The following ATP4A variants were observed in gnomAD, a reference collection of about 807,000 sequenced individuals.
The protein encoded by ATP4A is potassium-transporting ATPase alpha chain 1.
Under a neutral mutation model 112.1 loss-of-function variants are expected in ATP4A, and 73 were observed. The observed-to-expected ratio is 0.65, with a 90% CI of 0.54 to 0.79. The LOEUF is 0.79. Ranked by LOEUF, ATP4A falls within the 30% of genes least tolerant of loss-of-function variation. The probability of loss-of-function intolerance (pLI) is 0.00; values close to 1 mark genes in which losing one functional copy is unlikely to be tolerated. For missense variants in ATP4A, 1,081 were observed against 1,425.9 expected (o/e 0.76, Z 3.90); for synonymous variants, 588 against 588.9 (o/e 1.00, Z 0.02).
Position 35,555,584 on chromosome 19 carries a change from G to C in ATP4A, c.2013C>G (p.Ala671=), listed in dbSNP as rs571661299. ...VPVDQVNRKD[A]RACVINGMQL... is the part of the protein sequence containing the mutation. ...GCATGCCATTGATCACACAGGCACG[G>C]GCATCCCTGGGGAGGAGATGGGAGG... The change falls in exon 14 of 22, where the codon GCC becomes GCG. Residue 671 remains alanine (A), a synonymous_variant. Transcript: ENST00000262623. This position sits in a 1 kb window ranked among gnomAD's most constrained non-coding sequence, Gnocchi z 6.6. The C allele has an allele frequency of 1.0e-5, 16 of 1,579,736 alleles. No homozygotes were observed. Among genetic ancestry groups the C allele is most frequent in the South Asian group, 6.9e-5 (6 of 86,872 alleles).
At chr19:35,552,967 G>A in intron 18 of ATP4A, 70 bp downstream of exon 18, 9 of 1,509,132 alleles carry the variant, frequency 6.0e-6, no homozygotes, top group Non-Finnish European at 8.0e-6. Flanking sequence ...GAACAAGTGG[G>A]CCGCACACAA....
chr19:35,555,394 G>A lies in ATP4A; in HGVS notation c.2157+46C>T. On this transcript the variant is annotated intron_variant, in intron 14 of 21. Coordinates refer to ENST00000262623, the MANE Select transcript of ATP4A (RefSeq NM_000704.3). This position sits in a 1 kb window ranked among gnomAD's most constrained non-coding sequence, Gnocchi z 6.6. Reference sequence around the variant, plus strand: ...TCAGTGAGAGGCCGGTCCAAGACCAGCCCCGCCTGTCTGCCCGCCTGCCCA... The same window carrying A: ...TCAGTGAGAGGCCGGTCCAAGACCAACCCCGCCTGTCTGCCCGCCTGCCCA... The A allele has an allele frequency of 6.3e-7, 1 of 1,590,228 alleles. No homozygotes were observed. Among genetic ancestry groups the A allele is most frequent in the Non-Finnish European group, 8.6e-7 (1 of 1,167,356 alleles).
chr19:35,553,210 G>A, intron 17 of ATP4A, 28 bp from the exon 18 acceptor site: 2 of 1,575,688 alleles, frequency 1.3e-6, no homozygotes, highest in Non-Finnish European at 1.7e-6. Flanking sequence ...GACACAGGGA[G>A]ACAGAGATGG....
rs373762221 is a variant in ATP4A at position 35,555,614 on chromosome 19, C to T, written c.2007-24G>A. On this transcript the variant is annotated intron_variant, in intron 13 of 21. Coordinates refer to ENST00000262623, the MANE Select transcript of ATP4A (RefSeq NM_000704.3). This position sits in a 1 kb window ranked among gnomAD's most constrained non-coding sequence, Gnocchi z 6.6. ...CCCTGGGGAGGAGATGGGAGGACCTCGCTGGGACCTCGGTCTGTGCCAGAT... is the reference window on the plus strand; with the variant it reads ...CCCTGGGGAGGAGATGGGAGGACCTTGCTGGGACCTCGGTCTGTGCCAGAT... The T allele has an allele frequency of 1.2e-4, 188 of 1,575,866 alleles. No homozygotes were observed. Among genetic ancestry groups the T allele is most frequent in the Non-Finnish European group, 1.4e-4 (164 of 1,154,164 alleles).
At position 35,553,673 on chromosome 19, in the gene ATP4A, C is replaced by G. The variant is rs1303387988; in HGVS notation, c.2605+33G>C. The G allele has an allele frequency of 5.6e-6, 9 of 1,610,094 alleles. No individual in the cohort carries two copies. The African/African-American group carries it at 8.0e-5, about 14-fold the overall frequency. Reference sequence around the variant, plus strand: ...GCGAGCAGCCCAGCGCAGAGCCCCCCACCTCCAGGCTCCCCGGCCCACGGG... The same window carrying G: ...GCGAGCAGCCCAGCGCAGAGCCCCCGACCTCCAGGCTCCCCGGCCCACGGG... On this transcript the variant is annotated intron_variant, in intron 17 of 21. Transcript: ENST00000262623.
chr19:35,559,227 A>AC lies in ATP4A; in HGVS notation c.1057-37dup. On this transcript the variant is annotated intron_variant, in intron 7 of 21. Coordinates refer to ENST00000262623, the MANE Select transcript of ATP4A (RefSeq NM_000704.3). This position sits in a 1 kb window ranked among gnomAD's most constrained non-coding sequence, Gnocchi z 4.1. ...GGTGAGCACCGCAGGCTGGGGACCC[A>AC]CCCTGGCTTCCAGTCCTCTTCCCCG... 6.2e-7 allele frequency: 1 copy of AC among 1,606,308 alleles called. No individual in the cohort carries two copies.
At chr19:35,554,465 T>G (rs938504576) in intron 16 of ATP4A, among the ~76,000 whole-genome samples, 3 of 152,196 alleles carry the variant, frequency 2.0e-5, no homozygotes, top group Non-Finnish European at 1.5e-5. Context: ...GAAAGCACTG[T>G]GTAAATGTTA....
At position 35,555,456 on chromosome 19, in the gene ATP4A, T is replaced by A; in HGVS notation, c.2141A>T (p.Glu714Val). Residue 714 changes from glutamate (E) to valine (V), a missense_variant, in exon 14 of 22, where the codon GAG becomes GTG. Around this residue, in one of 3 missense-constraint regions of ATP4A, gnomAD observed 850 missense variants for 1,068.2 expected, o/e 0.80. Transcript: ENST00000262623. The surrounding 1 kb of genome is among the most constrained non-coding windows in gnomAD (Gnocchi z 6.6). ...AGGGCTCACCAGCCGCTGGCAGCTC[T>A]CCACGATCACCAGCTTCTGCTGGGG... ...TSPQQKLVIV[E>V]SCQRLGAIVA... is the part of the protein sequence containing the mutation. 1 of 1,612,224 alleles carries A rather than the reference T, an allele frequency of 6.2e-7. No individual in the cohort carries two copies. The highest frequency in any genetic ancestry group is 8.5e-7 in the Non-Finnish European group (1 of 1,179,028).
chr19:35,557,169 G>T lies in ATP4A; in HGVS notation c.1694-81C>A. On this transcript the variant is annotated intron_variant, in intron 11 of 21. Transcript: ENST00000262623. The surrounding 1 kb of genome is among the most constrained non-coding windows in gnomAD (Gnocchi z 4.4). ...GGCCAGGAAATGGGTAAAATAACCA[G>T]GCCCCTTGCACCAAACACCTATGGA... 2 of 1,523,312 alleles carry T rather than the reference G, an allele frequency of 1.3e-6. No individual in the cohort carries two copies. Among genetic ancestry groups the T allele is most frequent in the Non-Finnish European group, 1.8e-6 (2 of 1,110,790 alleles). The allele number at this position is 1,523,312 out of a possible 1,614,324, so 94.4% of individuals were successfully genotyped here.
At chr19:35,556,065 G>A (rs1246644783) in intron 12 of ATP4A, among the ~76,000 whole-genome samples, 1 of 152,190 alleles carries the variant, frequency 6.6e-6, no homozygotes, top group Non-Finnish European at 1.5e-5. Flanking sequence ...TAAGCTTGGT[G>A]AAGGAAACGG....
rs1159203074 is a variant in ATP4A at position 35,560,793 on chromosome 19, G to C, written c.534+26C>G. The C allele has an allele frequency of 6.2e-7, 1 of 1,607,720 alleles. No individual in the cohort carries two copies. Among genetic ancestry groups the C allele is most frequent in the East Asian group, 2.2e-5 (1 of 44,848 alleles). The stretch of plus-strand genomic sequence containing the variant: ...AGCAGTTTGGAGTCTCTGGGATCTG[G>C]AGTGGCTGGGTGCTGGGGAACCCAC... On this transcript the variant is annotated intron_variant, in intron 5 of 21. Transcript: ENST00000262623. This position sits in a 1 kb window ranked among gnomAD's most constrained non-coding sequence, Gnocchi z 5.1.
In ATP4A at chr19:35,560,891, G is replaced by A. The variant is rs201417873; in HGVS notation, c.462C>T (p.Thr154=). 25 of 1,614,004 alleles carry A rather than the reference G, an allele frequency of 1.5e-5. 1 individual carries two copies. Among genetic ancestry groups the A allele is most frequent in the East Asian group, 1.1e-4 (5 of 44,888 alleles). ...AIALIAVVVV[T]GCFGYYQEFK... ...ATTCCTGGTAGTAGCCAAAGCAGCCGGTGACGACAACCACAGCAATGAGAG... is the reference window on the plus strand; with the variant it reads ...ATTCCTGGTAGTAGCCAAAGCAGCCAGTGACGACAACCACAGCAATGAGAG... Residue 154 remains threonine (T), a synonymous_variant, in exon 5 of 22, where the codon ACC becomes ACT. Coordinates refer to ENST00000262623, the MANE Select transcript of ATP4A (RefSeq NM_000704.3). The surrounding 1 kb of genome is among the most constrained non-coding windows in gnomAD (Gnocchi z 5.1).
In ATP4A at chr19:35,560,390, C is replaced by T. The variant is rs750384600; in HGVS notation, c.760G>A (p.Ala254Thr). 2 of 1,613,890 alleles carry T rather than the reference C, an allele frequency of 1.2e-6. No individual in the cohort carries two copies. The highest frequency in any genetic ancestry group is 1.7e-4 in the Middle Eastern group (1 of 6,018). The change falls in exon 6 of 22, where the codon GCC becomes ACC. Residue 254 changes from alanine to threonine, a missense_variant. Physicochemically the swap from Ala to Thr is moderately conservative, Grantham distance 58 (BLOSUM62 0). Coordinates refer to ENST00000262623, the MANE Select transcript of ATP4A (RefSeq NM_000704.3). This position sits in a 1 kb window ranked among gnomAD's most constrained non-coding sequence, Gnocchi z 5.1. ...TCAAGGCACATGGTGGAGAAGAAGG[C>T]GATGTTGCGGGTCTCCAGAGGGCTC... ...HESPLETRNI[A>T]FFSTMCLEGT...
In ATP4A at chr19:35,555,077, C is replaced by A. The variant is rs763611116; in HGVS notation, c.2327-1G>T. The A allele has an allele frequency of 6.2e-7, 1 of 1,613,096 alleles. No homozygotes were observed. The highest frequency in any genetic ancestry group is 8.5e-7 in the Non-Finnish European group (1 of 1,179,414). On this transcript the variant is annotated splice_acceptor_variant, in intron 15 of 21. Transcript: ENST00000262623. LOFTEE classifies it high-confidence loss of function. This position sits in a 1 kb window ranked among gnomAD's most constrained non-coding sequence, Gnocchi z 6.6. ...TTCAGGTTGTCGAAGATCAGTCGACCTGTGGGGTAGGGTGGGCACCTCAGC... is the reference window on the plus strand; with the variant it reads ...TTCAGGTTGTCGAAGATCAGTCGACATGTGGGGTAGGGTGGGCACCTCAGC...
Position 35,555,964 on chromosome 19 carries a change from A to G in ATP4A, c.1870-152T>C. ...GGGATATAGCAGAGACAAAAGAGAC[A>G]AAAATCCCTGTCCTTGAGGAGCTCT... On this transcript the variant is annotated intron_variant, in intron 12 of 21. Transcript: ENST00000262623. The surrounding 1 kb of genome is among the most constrained non-coding windows in gnomAD (Gnocchi z 6.6). The G allele has an allele frequency of 9.2e-7, 1 of 1,083,528 alleles. No homozygotes were observed. Among genetic ancestry groups the G allele is most frequent in the Non-Finnish European group, 1.3e-6 (1 of 798,448 alleles). The allele number at this position is 1,083,528 out of a possible 1,614,324, so 67.1% of individuals were successfully genotyped here. A position where few individuals can be genotyped will look rare whatever the true frequency, so the allele number is the denominator to read the frequency against.
rs1765793404 is a variant in ATP4A, at chr19:35,559,551, C to A, written c.1056+254G>T. Reference sequence around the variant, plus strand: ...GGTCTGGTGACATGCTGGCTGCCTGCACAGGACATCAGCCTCTTCCAGTTA... The same window carrying A: ...GGTCTGGTGACATGCTGGCTGCCTGAACAGGACATCAGCCTCTTCCAGTTA... On this transcript the variant is annotated intron_variant, in intron 7 of 21. Coordinates refer to ENST00000262623, the MANE Select transcript of ATP4A (RefSeq NM_000704.3). This position sits in a 1 kb window ranked among gnomAD's most constrained non-coding sequence, Gnocchi z 4.1. Among the ~76,000 whole-genome samples the A allele has an allele frequency of 6.6e-6, 1 of 152,234 alleles. No homozygotes were observed. The highest frequency in any genetic ancestry group is 2.4e-5 in the African/African-American group (1 of 41,456).
chr19:35,558,129 A>G lies in ATP4A; in HGVS notation c.1500+233T>C, dbSNP rs2071643471. The G allele has an allele frequency of 3.2e-6, 2 of 627,746 alleles. No individual in the cohort carries two copies. The highest frequency in any genetic ancestry group is 5.4e-6 in the Non-Finnish European group (2 of 372,554). The allele number at this position is 627,746 out of a possible 1,614,324, so 38.9% of individuals were successfully genotyped here. ...GGGCTGGGGGCGGATTTGGAGAGCG[A>G]GGTGCTCCCCATGGACAGTCCCGCC... On this transcript the variant is annotated intron_variant, in intron 10 of 21. Coordinates refer to ENST00000262623, the MANE Select transcript of ATP4A (RefSeq NM_000704.3). The surrounding 1 kb of genome is among the most constrained non-coding windows in gnomAD (Gnocchi z 5.1).
Position 35,559,697 on chromosome 19 carries a change from T to C in ATP4A, c.1056+108A>G, listed in dbSNP as rs1342215163. On this transcript the variant is annotated intron_variant, in intron 7 of 21. Transcript: ENST00000262623. The surrounding 1 kb of genome is among the most constrained non-coding windows in gnomAD (Gnocchi z 4.1). ...GGAAGGCAGGAGAATGGATGGGAGCTAAGTGGACAGATAGACAGGCAGGGA... is the reference window on the plus strand; with the variant it reads ...GGAAGGCAGGAGAATGGATGGGAGCCAAGTGGACAGATAGACAGGCAGGGA... 25 of 1,475,426 alleles carry C rather than the reference T, an allele frequency of 1.7e-5. No individual in the cohort carries two copies. Among genetic ancestry groups the C allele is most frequent in the Non-Finnish European group, 1.0e-5 (11 of 1,100,336 alleles). 91.4% of individuals were successfully genotyped at this position (1,475,426 alleles called of 1,614,324 possible).
intron 4 of ATP4A, among the ~76,000 whole-genome samples, chr19:35,561,847 CTTT>C (rs71167554): frequency 0.034 from 3,547 of 103,612 alleles, 118 homozygotes; most frequent in African/African-American, 0.091. Flanking sequence ...AGTCCCATCT[CTTT>C]TTTTTTTTTT....
Sources: allele counts gnomAD v4.1 joint callset (sites outside exome capture counted in the v4.1 genomes callset), GRCh38; gene constraint gnomAD v4.1.1; regional missense constraint gnomAD v4.1.1; non-coding constraint Gnocchi (gnomAD v3.1); transcripts MANE v1.5; gene names NCBI Gene and HGNC (gene_info 2026-07-23, HGNC 2026-07-21).